Variants in KDM4C observed in about 807,000 individuals in gnomAD.
KDM4C encodes lysine-specific demethylase 4C.
A neutral mutation model predicts 129.3 loss-of-function variants in KDM4C; 81 were observed. The observed-to-expected ratio is 0.63, with a 90% CI of 0.52 to 0.75. The LOEUF is 0.75. Among genes scored for constraint, KDM4C ranks in the 30% least tolerant of loss-of-function variants. KDM4C has a pLI of 0.00. For synonymous variants in KDM4C, 573 were observed against 456.1 expected, an observed-to-expected ratio of 1.26 and a Z score of -3.26; for missense variants, 1,457 against 1,304.0, an observed-to-expected ratio of 1.12 and a Z score of -1.81.
intron 19 of KDM4C, among the ~76,000 whole-genome samples, chr9:7,149,227 C>T (rs1194162307): frequency 6.6e-6 from 1 of 152,254 alleles, no homozygotes; most frequent in Non-Finnish European, 1.5e-5. Flanking sequence ...TGTGTTAGTG[C>T]CATCCTGAGC....
intron 8 of KDM4C, among the ~76,000 whole-genome samples, chr9:6,919,111 A>G (rs1420826630): frequency 6.6e-6 from 1 of 152,120 alleles, no homozygotes; most frequent in Non-Finnish European, 1.5e-5. Context: ...TTGGCCTCCC[A>G]AAGTGCTGGG....
At position 6,988,178 on chromosome 9, in the gene KDM4C, AAAAAAAGG is replaced by A. The variant is rs1214051976; in HGVS notation, c.1677+1519_1677+1526del. On this transcript the variant is annotated intron_variant, in intron 11 of 21. Coordinates refer to ENST00000381309, the MANE Select transcript of KDM4C (RefSeq NM_015061.6). ...TCTCTTAAAAAAAAAAAAAAAAAAA[AAAAAAAGG>A]AAAAAAAATTTGCAACTTAATTTCA... Among the ~76,000 whole-genome samples, 11 of 151,068 alleles carry A rather than the reference AAAAAAAGG, an allele frequency of 7.3e-5. No homozygotes were observed. In the East Asian group the frequency reaches 1.9e-3, roughly 27 times the overall value.
At chr9:6,943,125 C>T (rs1826262962) in intron 8 of KDM4C, among the ~76,000 whole-genome samples, 1 of 152,110 alleles carries the variant, frequency 6.6e-6, no homozygotes, top group Non-Finnish European at 1.5e-5. Flanking sequence ...GCCTCAGCCT[C>T]CCAAAGTTTT....
At chr9:6,848,764 C>G (rs1285300806) in intron 4 of KDM4C, among the ~76,000 whole-genome samples, 3 of 152,186 alleles carry the variant, frequency 2.0e-5, no homozygotes, top group African/African-American at 7.2e-5. Context: ...TTCCCTCGCT[C>G]TGCCATCACC....
chr9:6,728,561 T>A (rs1422596690), intron 1 of KDM4C, among the ~76,000 whole-genome samples: 1 of 151,404 alleles, frequency 6.6e-6, no homozygotes, highest in Non-Finnish European at 1.5e-5. Flanking sequence ...AACGAAGTAT[T>A]CTTGGCCGGG....
At chr9:6,789,427 G>A (rs562359703) in intron 1 of KDM4C, among the ~76,000 whole-genome samples, 106 of 152,092 alleles carry the variant, frequency 7.0e-4, no homozygotes, top group Non-Finnish European at 1.4e-3. Flanking sequence ...CTCCATGTTG[G>A]TCAGGCTGTC....
intron 8 of KDM4C, among the ~76,000 whole-genome samples, chr9:6,938,146 C>T (rs540822837): frequency 1.3e-5 from 2 of 152,300 alleles, no homozygotes; most frequent in South Asian, 4.1e-4. Flanking sequence ...ATCACCTGCA[C>T]TGCCCTCCTC....
intron 8 of KDM4C, among the ~76,000 whole-genome samples, chr9:6,962,698 C>G (rs1029265442): frequency 6.6e-6 from 1 of 152,024 alleles, no homozygotes; most frequent in Non-Finnish European, 1.5e-5. Flanking sequence ...ACAACCCTGA[C>G]TCAGATTTAT....
intron 19 of KDM4C, among the ~76,000 whole-genome samples, chr9:7,164,494 G>A (rs921135514): frequency 6.6e-6 from 1 of 152,218 alleles, no homozygotes; most frequent in Non-Finnish European, 1.5e-5. Flanking sequence ...TGCAGAAAAA[G>A]GTGGGCTCGT....
chr9:6,990,276 A>C, intron 11 of KDM4C, 140 bp from the exon 12 acceptor site: 1 of 643,108 alleles, frequency 1.6e-6, no homozygotes, highest in Non-Finnish European at 2.8e-6. Flanking sequence ...AATTTCTTAA[A>C]GGACTAGTTC....
At chr9:6,759,414 G>A (rs1423722859) in intron 1 of KDM4C, among the ~76,000 whole-genome samples, 1 of 152,096 alleles carries the variant, frequency 6.6e-6, no homozygotes, top group Non-Finnish European at 1.5e-5. Flanking sequence ...GGAAGCAGTC[G>A]GCTCTGCTTT....
intron 19 of KDM4C, among the ~76,000 whole-genome samples, chr9:7,144,126 T>G (rs1379443117): frequency 6.6e-6 from 1 of 152,016 alleles, no homozygotes; most frequent in Non-Finnish European, 1.5e-5. Context: ...TTGTTTTTGT[T>G]TTTTTTGTGT....
At chr9:6,947,513 AG>A in intron 8 of KDM4C, among the ~76,000 whole-genome samples, 1 of 152,168 alleles carries the variant, frequency 6.6e-6, no homozygotes, top group South Asian at 2.1e-4. Context: ...ATGCTCAGAA[AG>A]GCTTTGTATA....
intron 12 of KDM4C, among the ~76,000 whole-genome samples, chr9:6,997,639 A>G (rs946929): frequency 0.43 from 65,454 of 152,084 alleles, 14,933 homozygotes; most frequent in Non-Finnish European, 0.51. Flanking sequence ...CTAACAGTCA[A>G]TAGATTTTGG....
At chr9:6,749,113 A>G (rs1485259104) in intron 1 of KDM4C, 19 of 425,526 alleles carry the variant, frequency 4.5e-5, no homozygotes, top group African/African-American at 8.2e-5. Context: ...TCTGCCTCCT[A>G]GGTTCAAGTA....
chr9:6,849,312 T>C (rs1423088211), intron 4 of KDM4C, among the ~76,000 whole-genome samples, 195 bp from the exon 5 acceptor site: 1 of 152,224 alleles, frequency 6.6e-6, no homozygotes, highest in East Asian at 1.9e-4. Context: ...CACATTATGC[T>C]GGTAGTAATC....
At chr9:7,024,482 C>A (rs1474400080) in intron 15 of KDM4C, among the ~76,000 whole-genome samples, 1 of 151,660 alleles carries the variant, frequency 6.6e-6, no homozygotes, top group African/African-American at 2.4e-5. Flanking sequence ...ATCCCTCCCC[C>A]GTCCCCCCAC....
At chr9:7,166,969 A>G (rs1182475746) in intron 20 of KDM4C, among the ~76,000 whole-genome samples, 2 of 152,204 alleles carry the variant, frequency 1.3e-5, no homozygotes, top group African/African-American at 2.4e-5. Context: ...TAATTATTCA[A>G]CTTCACCATC....
At chr9:7,130,083 G>T (rs1840451814) in intron 19 of KDM4C, among the ~76,000 whole-genome samples, 1 of 152,188 alleles carries the variant, frequency 6.6e-6, no homozygotes, top group Admixed American at 6.5e-5. Context: ...GAGGCCCCTG[G>T]ACTTTCACCA....
Sources: gnomAD v4.1 joint callset for allele counts (sites outside exome capture counted in the v4.1 genomes callset) on GRCh38, gnomAD v4.1.1 for gene constraint, MANE v1.5 for transcripts, NCBI Gene and HGNC (gene_info 2026-07-23, HGNC 2026-07-21) for gene names.